ATP1A2: variants seen among roughly 807,000 people sequenced by gnomAD.
ATP1A2 encodes sodium/potassium-transporting ATPase subunit alpha-2.
ATP1A2 carries 56 observed loss-of-function variants against 113.1 expected under a neutral mutation model. The ratio of observed to expected loss-of-function variants is 0.49; its 90% CI spans 0.40 to 0.62. The LOEUF is 0.62. Ranked by LOEUF, ATP1A2 falls within the 20% of genes least tolerant of loss-of-function variation. The pLI, the probability that ATP1A2 is intolerant of heterozygous loss-of-function variation, is 0.00. For synonymous variants in ATP1A2, 490 were observed against 526.8 expected, an observed-to-expected ratio of 0.93 and a Z score of 0.96; for missense variants, 712 against 1,357.8, an observed-to-expected ratio of 0.52 and a Z score of 7.47.
intron 10 of ATP1A2, 85 bp from the exon 11 acceptor site, chr1:160,129,181 C>T (rs1256430717): frequency 6.2e-7 from 1 of 1,609,760 alleles, no homozygotes; most frequent in Non-Finnish European, 8.5e-7. Context: ...GATGTGGCTG[C>T]CTTGGGGGTT....
intron 1 of ATP1A2, among the ~76,000 whole-genome samples, chr1:160,116,550 C>T (rs962548071): frequency 1.1e-4 from 17 of 152,030 alleles, no homozygotes; most frequent in Admixed American, 4.6e-4. Flanking sequence ...GACCCCCCCC[C>T]CAGTCCACCC....
chr1:160,128,149 A>T (rs1651644102), intron 8 of ATP1A2, among the ~76,000 whole-genome samples: 1 of 152,024 alleles, frequency 6.6e-6, no homozygotes, highest in Non-Finnish European at 1.5e-5. Context: ...AAATCCAGGG[A>T]CCTTTTCTCA....
At chr1:160,129,836 G>C (rs188770803) in intron 11 of ATP1A2, among the ~76,000 whole-genome samples, 2 of 152,150 alleles carry the variant, frequency 1.3e-5, no homozygotes. Flanking sequence ...GGAGGGAGCC[G>C]TTCAGCCCCT....
At chr1:160,119,883 G>A (rs372395048) in intron 1 of ATP1A2, among the ~76,000 whole-genome samples, 8 of 151,692 alleles carry the variant, frequency 5.3e-5, no homozygotes, top group East Asian at 3.9e-4. Context: ...TTAGCTGAGC[G>A]TGGTGGTGCA....
intron 6 of ATP1A2, 103 bp from the exon 7 acceptor site, chr1:160,125,033 T>C (rs1447562743): frequency 2.2e-6 from 2 of 903,220 alleles, no homozygotes; most frequent in Non-Finnish European, 3.7e-6. Flanking sequence ...ACTTTGTTCC[T>C]CGTGTCATGA....
Position 160,136,614 on chromosome 1 carries a change from C to G in ATP1A2, c.2608C>G (p.Leu870Val). ...TGGCTTCTTCACCTACTTTGTGATC[C>G]TGGCAGAGAACGGTTTCCTGCCATC... ...LGGFFTYFVI[L>V]AENGFLPSRL... The change falls in exon 19 of 23, where the codon CTG becomes GTG. Residue 870 changes from leucine to valine, a missense_variant. By Grantham distance (32) the Leu-to-Val change is conservative. Around this residue, in one of 6 missense-constraint regions of ATP1A2, gnomAD observed 188 missense variants for 438.9 expected, o/e 0.43. Transcript: ENST00000361216. 1 of 1,614,248 alleles carries G rather than the reference C, an allele frequency of 6.2e-7. No homozygotes were observed. The highest frequency in any genetic ancestry group is 2.2e-5 in the East Asian group (1 of 44,886).
In ATP1A2 at chr1:160,130,123, G is replaced by A. The variant is rs1336988969; in HGVS notation, c.1483G>A (p.Asp495Asn). The change falls in exon 12 of 23, where the codon GAC becomes AAC. Residue 495 changes from aspartate to asparagine, a missense_variant. By Grantham distance (23) the Asp-to-Asn change is conservative. Coordinates refer to ENST00000361216, the MANE Select transcript of ATP1A2 (RefSeq NM_000702.4). ...KYQLSIHEREDSPQSHVLVMK... is the reference protein window; with the variant it reads ...KYQLSIHERENSPQSHVLVMK... Reference sequence around the variant, plus strand: ...CCAGCTGTCTATCCACGAGCGAGAAGACAGCCCCCAGAGCCACGTGCTGGT... The same window carrying A: ...CCAGCTGTCTATCCACGAGCGAGAAAACAGCCCCCAGAGCCACGTGCTGGT... The A allele has an allele frequency of 1.2e-6, 2 of 1,614,230 alleles. No homozygotes were observed. The highest frequency in any genetic ancestry group is 1.7e-5 in the Admixed American group (1 of 60,032).
chr1:160,122,852 C>A (rs1395910748), intron 3 of ATP1A2, among the ~76,000 whole-genome samples: 1 of 152,120 alleles, frequency 6.6e-6, no homozygotes, highest in African/African-American at 2.4e-5. Context: ...CTCCTAGAAT[C>A]CTTGATAAAA....
At chr1:160,134,720 C>T (rs1651881234) in intron 14 of ATP1A2, 100 bp downstream of exon 14, 1 of 1,528,128 alleles carries the variant, frequency 6.5e-7, no homozygotes, top group Non-Finnish European at 9.0e-7. Flanking sequence ...ATTTCTGGGA[C>T]CTTTATAGGC....
chr1:160,129,344 A>T lies in ATP1A2; in HGVS notation c.1405A>T (p.Arg469Ter). 4 of 1,614,170 alleles carry T rather than the reference A, an allele frequency of 2.5e-6. No individual in the cohort carries two copies. Among genetic ancestry groups the T allele is most frequent in the Non-Finnish European group, 3.4e-6 (4 of 1,180,046 alleles). Reference protein sequence around the residue: ...ELSCGSVRKMRDRNPKVAEIP... With the variant: ...ELSCGSVRKM ...CTCCTGTGGCTCAGTGAGGAAAATG[A>T]GAGACAGAAACCCCAAGGTGGCAGA... The change falls in exon 11 of 23, where the codon AGA becomes TGA. Residue 469 changes from arginine to a stop codon, truncating the protein, a stop_gained. Coordinates refer to ENST00000361216, the MANE Select transcript of ATP1A2 (RefSeq NM_000702.4). LOFTEE classifies it high-confidence loss of function.
At chr1:160,128,482 T>C in intron 8 of ATP1A2, 170 bp from the exon 9 acceptor site, 1 of 1,533,030 alleles carries the variant, frequency 6.5e-7, no homozygotes, top group South Asian at 1.2e-5. Flanking sequence ...CAGATACTCA[T>C]GATCTCAACA....
chr1:160,138,028 G>A (rs1365235877), intron 20 of ATP1A2, among the ~76,000 whole-genome samples: 1 of 152,214 alleles, frequency 6.6e-6, no homozygotes, highest in East Asian at 1.9e-4. Flanking sequence ...TCTGGGGCCT[G>A]GGACTTGCTA....
At position 160,141,409 on chromosome 1, in the gene ATP1A2, G is replaced by A. The variant is rs1222938533; in HGVS notation, c.*87G>A. ...GTGATGGAGAGGGATGGAAATAACG[G>A]GTGGCATTGGGTGGCAACATTTGGG... is the stretch of plus-strand genomic sequence containing the variant. On this transcript the variant is annotated 3_prime_UTR_variant, in exon 23 of 23. Transcript: ENST00000361216. 22 of 1,521,716 alleles carry A rather than the reference G, an allele frequency of 1.4e-5. No individual in the cohort carries two copies. Among genetic ancestry groups the A allele is most frequent in the African/African-American group, 1.2e-4 (9 of 72,886 alleles). The allele number at this position is 1,521,716 out of a possible 1,614,324, so 94.3% of individuals were successfully genotyped here.
rs779500574 is a variant in ATP1A2, at chr1:160,136,671, G to A, written c.2665G>A (p.Asp889Asn). 1 of 1,614,236 alleles carries A rather than the reference G, an allele frequency of 6.2e-7. No homozygotes were observed. The highest frequency in any genetic ancestry group is 8.5e-7 in the Non-Finnish European group (1 of 1,180,040). ...ACTGGGAATCCGCCTCGACTGGGAT[G>A]ACCGGACCATGAATGATCTGGAGGA... Reference protein sequence around the residue: ...RLLGIRLDWDDRTMNDLEDSY... With the variant: ...RLLGIRLDWDNRTMNDLEDSY... Residue 889 changes from aspartate to asparagine, a missense_variant, in exon 19 of 23, where the codon GAC becomes AAC. Around this residue, in one of 6 missense-constraint regions of ATP1A2, gnomAD observed 188 missense variants for 438.9 expected, o/e 0.43. Coordinates refer to ENST00000361216, the MANE Select transcript of ATP1A2 (RefSeq NM_000702.4).
At chr1:160,116,474 G>A (rs1000784114) in intron 1 of ATP1A2, among the ~76,000 whole-genome samples, 4 of 151,702 alleles carry the variant, frequency 2.6e-5, no homozygotes, top group South Asian at 2.1e-4. Context: ...CGGATGTCCC[G>A]AGCAGCATTG....
intron 4 of ATP1A2, 62 bp downstream of exon 4, chr1:160,123,478 C>T (rs1209911171): frequency 1.4e-5 from 23 of 1,601,468 alleles, no homozygotes; most frequent in African/African-American, 2.7e-5. Context: ...GAACCCCCAA[C>T]ACAGTGGGGG....
intron 1 of ATP1A2, among the ~76,000 whole-genome samples, chr1:160,116,957 C>G (rs931008552): frequency 2.6e-5 from 4 of 151,826 alleles, no homozygotes; most frequent in Non-Finnish European, 5.9e-5. Context: ...GTGTCTGTGT[C>G]TGTGTGTGTG....
At position 160,139,943 on chromosome 1, in the gene ATP1A2, A is replaced by G. The variant is rs1085307501; in HGVS notation, c.2993A>G (p.Tyr998Cys). Residue 998 changes from tyrosine to cysteine, a missense_variant, in exon 22 of 23, where the codon TAT becomes TGT. Coordinates refer to ENST00000361216, the MANE Select transcript of ATP1A2 (RefSeq NM_000702.4). ...AFPYSLLIFI[Y>C]DEVRKLILRR... ...CCCTACAGCCTCCTCATCTTCATCT[A>G]TGATGAGGTCCGAAAGCTCATCCTG... 2 of 1,613,992 alleles carry G rather than the reference A, an allele frequency of 1.2e-6. No individual in the cohort carries two copies. Among genetic ancestry groups the G allele is most frequent in the Non-Finnish European group, 8.5e-7 (1 of 1,180,012 alleles).
Position 160,135,235 on chromosome 1 carries a change from C to A in ATP1A2, c.2055C>A (p.Ile685=). 3 of 1,614,176 alleles carry A rather than the reference C, an allele frequency of 1.9e-6. No homozygotes were observed. In the South Asian group the frequency reaches 3.3e-5, roughly 18 times the overall value. ...LDEILKNHTE[I]VFARTSPQQK... ...AGATCCTCAAGAACCACACAGAGAT[C>A]GTCTTTGCTCGAACGTCTCCCCAGC... The change falls in exon 15 of 23, where the codon ATC becomes ATA. Residue 685 remains isoleucine (I), a synonymous_variant. Transcript: ENST00000361216. This position sits in a 1 kb window ranked among gnomAD's most constrained non-coding sequence, Gnocchi z 6.3.
Sources: gnomAD v4.1 joint callset for allele counts (sites outside exome capture counted in the v4.1 genomes callset) on GRCh38, gnomAD v4.1.1 for gene constraint, gnomAD v4.1.1 regional missense constraint, Gnocchi (gnomAD v3.1) non-coding constraint, MANE v1.5 for transcripts, NCBI Gene and HGNC (gene_info 2026-07-23, HGNC 2026-07-21) for gene names.